The following KIRREL2 variants were observed in gnomAD, a reference collection of about 807,000 sequenced individuals.
The protein encoded by KIRREL2 is kin of IRRE-like protein 2.
In KIRREL2, 56 loss-of-function variants were observed where a neutral mutation model predicts 73.4. The observed-to-expected ratio is 0.76, with a 90% confidence interval of 0.62 to 0.95. The LOEUF is 0.95. KIRREL2 is among the 40% of genes least tolerant of loss of function. KIRREL2 has a pLI of 0.00. For missense variants in KIRREL2, 896 were observed against 935.0 expected (o/e 0.96, Z 0.54); for synonymous variants, 407 against 404.0 (o/e 1.01, Z -0.09).
chr19:35,852,117 C>T (rs1180097537), upstream of KIRREL2, among the ~76,000 whole-genome samples: 38 of 136,092 alleles, frequency 2.8e-4, 1 homozygote, highest in African/African-American at 9.3e-4. Context: ...TTTTTAGAGA[C>T]GGGGTCTCAC....
chr19:35,858,163 G>A (rs929594421), intron 2 of KIRREL2, among the ~76,000 whole-genome samples: 1 of 151,940 alleles, frequency 6.6e-6, no homozygotes, highest in Non-Finnish European at 1.5e-5. Flanking sequence ...TCCAGAAGTA[G>A]TATCTAACCT....
At position 35,866,756 on chromosome 19, in the gene KIRREL2, G is replaced by A. The variant is rs1280924066; in HGVS notation, c.*264G>A. ...TCAAGATGGCAGGTAGGCCCTTTGA[G>A]GAGAGATGGGGACAGGGCAGTGGGT... is the stretch of plus-strand genomic sequence containing the variant. On this transcript the variant is annotated 3_prime_UTR_variant, in exon 15 of 15. Coordinates refer to ENST00000360202, the MANE Select transcript of KIRREL2 (RefSeq NM_199180.4). 3 of 576,434 alleles carry A rather than the reference G, an allele frequency of 5.2e-6. No homozygotes were observed. Among genetic ancestry groups the A allele is most frequent in the Non-Finnish European group, 6.1e-6 (2 of 329,974 alleles). The allele number at this position is 576,434 out of a possible 1,614,324, so 35.7% of individuals were successfully genotyped here.
In KIRREL2 at chr19:35,866,219, C is replaced by T. The variant is rs778424293; in HGVS notation, c.1854C>T (p.Ala618=). The T allele has an allele frequency of 6.2e-7, 1 of 1,613,102 alleles. No homozygotes were observed. The highest frequency in any genetic ancestry group is 2.2e-5 in the East Asian group (1 of 44,878). ...GTGTGAGCCTGAGCCTTGGCGAAGC[C>T]CCTGGAGGAGGTCTCTTCCTGCCAC... ...GVSVSLSLGE[A]PGGGLFLPPP... Residue 618 remains alanine, a synonymous_variant, in exon 15 of 15, where the codon GCC becomes GCT. Transcript: ENST00000360202.
At chr19:35,861,397 G>A (rs2146865499) in intron 9 of KIRREL2, 143 bp downstream of exon 9, 2 of 1,469,468 alleles carry the variant, frequency 1.4e-6, no homozygotes, top group Non-Finnish European at 1.8e-6. Context: ...TTGAAGGCGA[G>A]GCTTTTAGGA....
chr19:35,852,599 C>A (rs916591284), upstream of KIRREL2, among the ~76,000 whole-genome samples: 3 of 152,002 alleles, frequency 2.0e-5, no homozygotes, highest in Admixed American at 2.0e-4. Context: ...GCATAAAATC[C>A]CCTGTCAGCA....
intron 4 of KIRREL2, 109 bp from the exon 5 acceptor site, chr19:35,859,372 T>C (rs908404431): frequency 4.0e-5 from 36 of 908,056 alleles, no homozygotes; most frequent in Non-Finnish European, 3.4e-6. Flanking sequence ...TCATTAGTGT[T>C]AGTATGTGTG....
rs537844099 is a variant in KIRREL2, at chr19:35,858,487, T to A, written c.291T>A (p.Asp97Glu). The change falls in exon 3 of 15, where the codon GAT becomes GAA. Residue 97 changes from aspartate (D) to glutamate (E), a missense_variant. Physicochemically the swap from Asp to Glu is conservative, Grantham distance 45. Transcript: ENST00000360202. ...ACATTAGGCCCGTGGAGCTAGAGGA[T>A]GAAGCATCATATGAATGTCAGGCTA... ...DLHIRPVELE[D>E]EASYECQATQ... is the part of the protein sequence containing the mutation. The A allele has an allele frequency of 6.2e-7, 1 of 1,614,124 alleles. No individual in the cohort carries two copies. Among genetic ancestry groups the A allele is most frequent in the South Asian group, 1.1e-5 (1 of 91,086 alleles).
chr19:35,860,659 A>G lies in KIRREL2; in HGVS notation c.920A>G (p.Asp307Gly), dbSNP rs766524351. 18 of 1,602,480 alleles carry G rather than the reference A, an allele frequency of 1.1e-5. No individual in the cohort carries two copies. Among genetic ancestry groups the G allele is most frequent in the Admixed American group, 1.7e-5 (1 of 59,976 alleles). Residue 307 changes from aspartate (D) to glycine (G), a missense_variant, in exon 7 of 15, where the codon GAT becomes GGT. By Grantham distance (94) the Asp-to-Gly change is moderately conservative (BLOSUM62 -1). Transcript: ENST00000360202. ...VGSANRSTAL[D>G]VLFGPILQAK... ...AGCGCCAACCGCAGTACTGCGCTGG[A>G]TGTGCTGTGTGAGCTGGGGCCGGCC...
rs746891915 is a variant in KIRREL2 at position 35,860,297 on chromosome 19, A to AC, written c.680dup (p.Glu228ArgfsTer60). On this transcript the variant is annotated frameshift_variant and splice_region_variant, in exon 6 of 15. Coordinates refer to ENST00000360202, the MANE Select transcript of KIRREL2 (RefSeq NM_199180.4). LOFTEE classifies it high-confidence loss of function. The stretch of plus-strand genomic sequence containing the variant: ...TCTGACCATTGTCCCACCCTCACAG[A>AC]CCCCCCAGAGGTGACTCTGTCTGCT... 503 of 1,612,804 alleles carry AC rather than the reference A, an allele frequency of 3.1e-4. No homozygotes were observed. The highest frequency in any genetic ancestry group is 4.0e-4 in the Non-Finnish European group (471 of 1,179,598).
chr19:35,858,912 G>C lies in KIRREL2; in HGVS notation c.522+48G>C, dbSNP rs1243319077. ...AGCCTTTGCCCATTGAGGGAAACTT[G>C]GGTTACACTCTGACCACAGGCTCAT... On this transcript the variant is annotated intron_variant, in intron 4 of 14. Transcript: ENST00000360202. 2.5e-6 allele frequency: 4 copies of C among 1,599,882 alleles called. 1 individual carries two copies. Among genetic ancestry groups the C allele is most frequent in the Admixed American group, 1.7e-5 (1 of 59,820 alleles).
In KIRREL2 at chr19:35,860,642, C is replaced by T. The variant is rs143020714; in HGVS notation, c.903C>T (p.Asn301=). The change falls in exon 7 of 15, where the codon AAC becomes AAT. Residue 301 remains asparagine, a synonymous_variant. Transcript: ENST00000360202. ...CEVSNAVGSA[N]RSTALDVLFG... Reference sequence around the variant, plus strand: ...TCAGCAACGCCGTGGGTAGCGCCAACCGCAGTACTGCGCTGGATGTGCTGT... The same window carrying T: ...TCAGCAACGCCGTGGGTAGCGCCAATCGCAGTACTGCGCTGGATGTGCTGT... 2.7e-5 allele frequency: 43 copies of T among 1,603,436 alleles called. No homozygotes were observed. The African/African-American group carries it at 5.5e-4, about 20-fold the overall frequency.
chr19:35,861,547 C>T lies in KIRREL2; in HGVS notation c.1196C>T (p.Pro399Leu). The T allele has an allele frequency of 1.2e-6, 2 of 1,613,910 alleles. No individual in the cohort carries two copies. The highest frequency in any genetic ancestry group is 1.7e-6 in the Non-Finnish European group (2 of 1,179,940). Residue 399 changes from proline to leucine, a missense_variant, in exon 10 of 15, where the codon CCA becomes CTA. Physicochemically the swap from Pro to Leu is moderately conservative, Grantham distance 98. Coordinates refer to ENST00000360202, the MANE Select transcript of KIRREL2 (RefSeq NM_199180.4). ...CCTACAGTCTCCATCCCAGCTCCCCCAGTAGTGACCGCCCTGCACTCTGCG... is the reference window on the plus strand; with the variant it reads ...CCTACAGTCTCCATCCCAGCTCCCCTAGTAGTGACCGCCCTGCACTCTGCG... ...AEARLTVNAP[P>L]VVTALHSAPA... is the part of the protein sequence containing the mutation.
chr19:35,853,931 G>A (rs892520541), upstream of KIRREL2, among the ~76,000 whole-genome samples: 9 of 132,574 alleles, frequency 6.8e-5, no homozygotes, highest in Admixed American at 3.4e-4. Context: ...TGTAACCTCC[G>A]CCTCCCAGGT....
Position 35,857,440 on chromosome 19 carries a change from C to G in KIRREL2, c.157C>G (p.Leu53Val), listed in dbSNP as rs1030625947. The G allele has an allele frequency of 6.2e-7, 1 of 1,612,294 alleles. No individual in the cohort carries two copies. The highest frequency in any genetic ancestry group is 1.3e-5 in the African/African-American group (1 of 74,880). ...LPCALGAYWG[L>V]VQWTKSGLAL... The stretch of plus-strand genomic sequence containing the variant: ...GTGTGCTCTGGGCGCCTACTGGGGG[C>G]TAGTTCAGTGGACTAAGAGTGGGCT... Residue 53 changes from leucine to valine, a missense_variant, in exon 2 of 15, where the codon CTA becomes GTA. Physicochemically the swap from Leu to Val is conservative, Grantham distance 32 (BLOSUM62 1). Transcript: ENST00000360202.
At position 35,866,394 on chromosome 19, in the gene KIRREL2, A is replaced by T. The variant is rs1478844174; in HGVS notation, c.2029A>T (p.Thr677Ser). The T allele has an allele frequency of 6.2e-7, 1 of 1,610,990 alleles. No homozygotes were observed. The highest frequency in any genetic ancestry group is 1.3e-5 in the African/African-American group (1 of 74,324). ...PRAFTSYIKPTSFGPPDLAPG... is the reference protein window; with the variant it reads ...PRAFTSYIKPSSFGPPDLAPG... ...AGCTTTCACCAGCTACATCAAACCCACATCCTTTGGGCCCCCAGATCTGGC... is the reference window on the plus strand; with the variant it reads ...AGCTTTCACCAGCTACATCAAACCCTCATCCTTTGGGCCCCCAGATCTGGC... Residue 677 changes from threonine (T) to serine (S), a missense_variant, in exon 15 of 15, where the codon ACA becomes TCA. Thr to Ser is a moderately conservative substitution (Grantham distance 58). Coordinates refer to ENST00000360202, the MANE Select transcript of KIRREL2 (RefSeq NM_199180.4).
chr19:35,857,039 G>C lies in KIRREL2; in HGVS notation c.-81G>C, dbSNP rs2146847661. ...GAGCGTGAAGGGGGCTCCGGGCCAGGGTGACAGGAGGCGTGCTTGAGAGGA... is the reference window on the plus strand; with the variant it reads ...GAGCGTGAAGGGGGCTCCGGGCCAGCGTGACAGGAGGCGTGCTTGAGAGGA... On this transcript the variant is annotated 5_prime_UTR_variant, in exon 1 of 15. Transcript: ENST00000360202. 7.0e-7 allele frequency: 1 copy of C among 1,438,040 alleles called. No individual in the cohort carries two copies. Among genetic ancestry groups the C allele is most frequent in the Non-Finnish European group, 9.8e-7 (1 of 1,020,494 alleles). 89.1% of individuals were successfully genotyped at this position (1,438,040 alleles called of 1,614,324 possible).
chr19:35,852,516 T>TC (rs893590425), upstream of KIRREL2, among the ~76,000 whole-genome samples: 10 of 151,818 alleles, frequency 6.6e-5, no homozygotes, highest in Non-Finnish European at 1.2e-4. Context: ...CAGTGCAACC[T>TC]CCCCCAGGTA....
rs1157752607 is a variant in KIRREL2, at chr19:35,861,163, G to A, written c.1098G>A (p.Gly366=). Residue 366 remains glycine (G), a synonymous_variant, in exon 9 of 15, where the codon GGG becomes GGA. Coordinates refer to ENST00000360202, the MANE Select transcript of KIRREL2 (RefSeq NM_199180.4). Reference sequence around the variant, plus strand: ...CCACACTGCGTCTTCCGTCGGTGGGGCCCGAGGACGCAGGCGACTATGTGT... The same window carrying A: ...CCACACTGCGTCTTCCGTCGGTGGGACCCGAGGACGCAGGCGACTATGTGT... ...SGATLRLPSV[G]PEDAGDYVCR... 3.1e-6 allele frequency: 5 copies of A among 1,589,016 alleles called. No homozygotes were observed. The highest frequency in any genetic ancestry group is 2.7e-5 in the African/African-American group (2 of 73,932).
chr19:35,860,448 G>T (rs1973614715), intron 6 of KIRREL2, 46 bp downstream of exon 6: 1 of 1,606,218 alleles, frequency 6.2e-7, no homozygotes, highest in African/African-American at 1.3e-5. Context: ...AGTGAGCTTG[G>T]GAAGGGCTGG....
Sources: allele counts gnomAD v4.1 joint callset (sites outside exome capture counted in the v4.1 genomes callset), GRCh38; gene constraint gnomAD v4.1.1; transcripts MANE v1.5; gene names NCBI Gene and HGNC (gene_info 2026-07-23, HGNC 2026-07-21).